Variants in RBBP5 observed in about 807,000 individuals in gnomAD.
RBBP5 encodes RB binding protein 5, histone lysine methyltransferase complex subunit.
Under a neutral mutation model 72.2 loss-of-function variants are expected in RBBP5, and 5 were observed. The observed-to-expected ratio is 0.07, with a 90% confidence interval of 0.04 to 0.15. The LOEUF is 0.15. Among genes scored for constraint, RBBP5 ranks in the 10% least tolerant of loss-of-function variants. The probability of loss-of-function intolerance (pLI) is 1.00; values close to 1 mark genes in which losing one functional copy is unlikely to be tolerated. For missense variants in RBBP5, 322 were observed against 652.2 expected (o/e 0.49, Z 5.51); for synonymous variants, 209 against 237.2 (o/e 0.88, Z 1.09).
intron 1 of RBBP5, among the ~76,000 whole-genome samples, chr1:205,116,631 T>C (rs1656534694): frequency 6.6e-6 from 1 of 152,160 alleles, no homozygotes; most frequent in African/African-American, 2.4e-5. Flanking sequence ...CTAGCCAAAA[T>C]GGTGAAACCC....
At chr1:205,121,071 A>G (rs1454258856) in intron 1 of RBBP5, among the ~76,000 whole-genome samples, 1 of 152,188 alleles carries the variant, frequency 6.6e-6, no homozygotes, top group Non-Finnish European at 1.5e-5. Context: ...TGACTTTTTT[A>G]AAAGAGAAAC....
chr1:205,107,070 GTATACATA>G (rs1656097064), intron 3 of RBBP5, among the ~76,000 whole-genome samples: 1 of 130,664 alleles, frequency 7.7e-6, no homozygotes, highest in Admixed American at 7.7e-5. Flanking sequence ...GTGTGTGTGT[GTATACATA>G]TATATATATA....
intron 3 of RBBP5, among the ~76,000 whole-genome samples, chr1:205,105,652 A>T (rs926545160): frequency 2.0e-5 from 3 of 152,264 alleles, no homozygotes; most frequent in African/African-American, 7.2e-5. Flanking sequence ...CAGACAAAAA[A>T]GGTTCTGAAA....
At chr1:205,095,135 G>T (rs886618364) in intron 12 of RBBP5, 71 bp from the exon 13 acceptor site, 15 of 1,426,860 alleles carry the variant, frequency 1.1e-5, no homozygotes, top group African/African-American at 1.4e-5. Flanking sequence ...CAACTTTGTT[G>T]AGCAAAGAAT....
intron 1 of RBBP5, chr1:205,116,445 G>A: frequency 5.3e-6 from 1 of 188,894 alleles, no homozygotes. Context: ...TTTGAGAACT[G>A]TTGACATATC....
chr1:205,090,884 G>T (rs1320845280), intron 13 of RBBP5, among the ~76,000 whole-genome samples: 1 of 151,864 alleles, frequency 6.6e-6, no homozygotes, highest in East Asian at 1.9e-4. Context: ...GAGGGAGGGA[G>T]GGGAGAGAAA....
At chr1:205,105,261 C>G in intron 3 of RBBP5, 93 bp from the exon 4 acceptor site, 1 of 1,396,330 alleles carries the variant, frequency 7.2e-7, no homozygotes, top group African/African-American at 1.4e-5. Flanking sequence ...ATTGCTGCAA[C>G]TGCACAGGTC....
At chr1:205,117,491 T>C (rs1377944745) in intron 1 of RBBP5, among the ~76,000 whole-genome samples, 3 of 151,136 alleles carry the variant, frequency 2.0e-5, no homozygotes, top group Admixed American at 1.3e-4. Context: ...AGAAACCCTG[T>C]CTCTACTAAA....
chr1:205,091,378 G>C (rs1208426847), intron 13 of RBBP5: 1 of 152,208 alleles, frequency 6.6e-6, no homozygotes, highest in Non-Finnish European at 1.5e-5. Flanking sequence ...ATGTTAGCCT[G>C]GTCCTTCCCA....
chr1:205,102,325 GAGA>G (rs1412755778), intron 5 of RBBP5, among the ~76,000 whole-genome samples: 14 of 152,326 alleles, frequency 9.2e-5, no homozygotes, highest in African/African-American at 2.9e-4. Context: ...ATTGAGCCTT[GAGA>G]AGAAGGAGAA....
Position 205,115,777 on chromosome 1 carries a change from G to C in RBBP5, c.45+81C>G, listed in dbSNP as rs1656495551. ...TAATGCTTCTCTGTCAAAACACAAG[G>C]ATCAAAAAGTATTTTCTGTTCTAAC... On this transcript the variant is annotated intron_variant, in intron 2 of 13. Coordinates refer to ENST00000264515, the MANE Select transcript of RBBP5 (RefSeq NM_005057.4). The C allele has an allele frequency of 3.5e-6, 5 of 1,420,604 alleles. No individual in the cohort carries two copies. In the East Asian group the frequency reaches 1.2e-4, roughly 35 times the overall value. 88.0% of individuals were successfully genotyped at this position (1,420,604 alleles called of 1,614,324 possible).
chr1:205,117,935 G>A (rs764277038), intron 1 of RBBP5, among the ~76,000 whole-genome samples: 1 of 151,890 alleles, frequency 6.6e-6, no homozygotes, highest in South Asian at 2.1e-4. Flanking sequence ...TCAGCCTCCC[G>A]AGTAGCTGGG....
Position 205,121,867 on chromosome 1 carries a change from G to A in RBBP5, c.7C>T (p.Leu3Phe). The A allele has an allele frequency of 1.2e-6, 2 of 1,611,900 alleles. No individual in the cohort carries two copies. Among genetic ancestry groups the A allele is most frequent in the Non-Finnish European group, 8.5e-7 (1 of 1,180,012 alleles). Residue 3 changes from leucine to phenylalanine, a missense_variant, in exon 1 of 14, where the codon CTC (leucine) becomes TTC (phenylalanine). Physicochemically the swap from Leu to Phe is conservative, Grantham distance 22. Coordinates refer to ENST00000264515, the MANE Select transcript of RBBP5 (RefSeq NM_005057.4). ...CAGCCCTTCTCACCCAGCAACTCGAGGTTCATCCCTGCGGACTGTGGCCGC... is the reference window on the plus strand; with the variant it reads ...CAGCCCTTCTCACCCAGCAACTCGAAGTTCATCCCTGCGGACTGTGGCCGC... MN[L>F]ELLESFGQNY...
At chr1:205,118,080 G>A (rs1656596484) in intron 1 of RBBP5, among the ~76,000 whole-genome samples, 1 of 151,982 alleles carries the variant, frequency 6.6e-6, no homozygotes, top group Non-Finnish European at 1.5e-5. Context: ...AAAGTGCTGG[G>A]ATTACAGGCG....
At chr1:205,096,584 TA>T in intron 12 of RBBP5, 97 bp downstream of exon 12, 1 of 1,123,166 alleles carries the variant, frequency 8.9e-7, no homozygotes, top group Non-Finnish European at 1.3e-6. Flanking sequence ...AAAATTCCTC[TA>T]AGGTGAAATC....
In RBBP5 at chr1:205,096,713, G is replaced by C; in HGVS notation, c.1365C>G (p.Thr455=). The C allele has an allele frequency of 1.2e-6, 2 of 1,614,116 alleles. No homozygotes were observed. Among genetic ancestry groups the C allele is most frequent in the African/African-American group, 1.3e-5 (1 of 75,054 alleles). ...TTGGTACTCCTTGAAGTTCTATATT[G>C]GTTGTTTTGGGTTTCTTCTTAGGTG... ...SQPPKKKPKT[T]NIELQGVPND... The change falls in exon 12 of 14, where the codon ACC becomes ACG. Residue 455 remains threonine, a synonymous_variant. Transcript: ENST00000264515.
In RBBP5 at chr1:205,088,568, G is replaced by A. The variant is rs1655215801; in HGVS notation, c.*219C>T. ...GATGTCTTCACAAATCTTCATTCCT[G>A]AGAGTCTATTTGGACTTATGCTTGA... is the stretch of plus-strand genomic sequence containing the variant. On this transcript the variant is annotated 3_prime_UTR_variant, in exon 14 of 14. Transcript: ENST00000264515. 3.9e-6 allele frequency: 2 copies of A among 509,876 alleles called. No individual in the cohort carries two copies. The highest frequency in any genetic ancestry group is 8.3e-5 in the Admixed American group (2 of 24,050). The allele number at this position is 509,876 out of a possible 1,614,324, so 31.6% of individuals were successfully genotyped here. A position where few individuals can be genotyped will look rare whatever the true frequency, so the allele number is the denominator to read the frequency against.
intron 3 of RBBP5, among the ~76,000 whole-genome samples, chr1:205,107,656 T>C (rs560966993): frequency 2.6e-5 from 4 of 152,264 alleles, no homozygotes; most frequent in Admixed American, 1.3e-4. Context: ...ATAAAATTAC[T>C]TTTTCTAAGC....
Position 205,099,659 on chromosome 1 carries a change from A to G in RBBP5, c.978+82T>C, listed in dbSNP as rs1655747507. On this transcript the variant is annotated intron_variant, in intron 9 of 13. Transcript: ENST00000264515. This position sits in a 1 kb window ranked among gnomAD's most constrained non-coding sequence, Gnocchi z 4.7. ...CATATGCAAAAGAAAATAAAAATGT[A>G]ATTTTTAGCTTCCTATGTATAAGGT... 1.0e-5 allele frequency: 14 copies of G among 1,351,996 alleles called. No homozygotes were observed. In the Admixed American group the frequency reaches 2.2e-4, roughly 21 times the overall value. 83.7% of individuals were successfully genotyped at this position (1,351,996 alleles called of 1,614,324 possible).
Sources: allele counts gnomAD v4.1 joint callset (sites outside exome capture counted in the v4.1 genomes callset), GRCh38; gene constraint gnomAD v4.1.1; non-coding constraint Gnocchi (gnomAD v3.1); transcripts MANE v1.5; gene names NCBI Gene and HGNC (gene_info 2026-07-23, HGNC 2026-07-21).